The following STK40 variants were observed in gnomAD, a reference collection of about 807,000 sequenced individuals.
STK40 encodes the protein serine/threonine kinase 40.
STK40 carries 13 observed loss-of-function variants against 47.9 expected under a neutral mutation model. That is an observed-to-expected ratio of 0.27 (90% CI 0.18 to 0.43). STK40 has a LOEUF of 0.43. Ranked by LOEUF, STK40 falls within the 20% of genes least tolerant of loss-of-function variation. The pLI is 1.00. For missense variants in STK40, 460 were observed against 595.1 expected (o/e 0.77, Z 2.36); for synonymous variants, 225 against 243.2 (o/e 0.93, Z 0.69).
intron 1 of STK40, among the ~76,000 whole-genome samples, chr1:36,378,474 T>G (rs1038337632): frequency 1.3e-5 from 2 of 152,092 alleles, no homozygotes; most frequent in Non-Finnish European, 2.9e-5. Flanking sequence ...TTTCTTTTTT[T>G]TTTGAGACGG....
At chr1:36,362,271 C>T (rs751359244) in intron 1 of STK40, among the ~76,000 whole-genome samples, 1 of 152,018 alleles carries the variant, frequency 6.6e-6, no homozygotes, top group Non-Finnish European at 1.5e-5. Flanking sequence ...AAGCAGGATC[C>T]GGGGGGGACA....
At chr1:36,345,503 T>C (rs1182518378) in intron 7 of STK40, among the ~76,000 whole-genome samples, 2 of 152,178 alleles carry the variant, frequency 1.3e-5, no homozygotes, top group African/African-American at 2.4e-5. Flanking sequence ...CCAAGCTCTT[T>C]CCAGGCTGTG....
In STK40 at chr1:36,355,637, T is replaced by C. The variant is rs11804598; in HGVS notation, c.343-204A>G. On this transcript the variant is annotated intron_variant, in intron 4 of 10. Coordinates refer to ENST00000373132, the MANE Select transcript of STK40 (RefSeq NM_001282547.2). ...ACTGTGCAGCCTCTTGTGTGCCAAA[T>C]GCCAGGACCAGCAAGAGGCTGAAGC... Among the ~76,000 whole-genome samples, 184 of 152,268 alleles carry C rather than the reference T, an allele frequency of 1.2e-3. 1 individual carries two copies. Among genetic ancestry groups the C allele is most frequent in the African/African-American group, 4.3e-3 (178 of 41,570 alleles).
intron 1 of STK40, among the ~76,000 whole-genome samples, chr1:36,382,911 G>A (rs1413840299): frequency 4.6e-5 from 7 of 152,182 alleles, no homozygotes; most frequent in African/African-American, 1.7e-4. Flanking sequence ...GACCAGCAGG[G>A]ATAGAAGTAG....
At chr1:36,345,256 A>G (rs1193407918) in intron 7 of STK40, among the ~76,000 whole-genome samples, 5 of 152,216 alleles carry the variant, frequency 3.3e-5, no homozygotes, top group African/African-American at 4.8e-5. Flanking sequence ...AGACGCTGCC[A>G]GGCACCCTAG....
At chr1:36,352,848 C>T (rs769019949) in intron 6 of STK40, among the ~76,000 whole-genome samples, 2 of 152,236 alleles carry the variant, frequency 1.3e-5, no homozygotes, top group African/African-American at 4.8e-5. Flanking sequence ...AACCACTGAG[C>T]GTTTCTGTCT....
Position 36,341,892 on chromosome 1 carries a change from A to T in STK40, c.1171T>A (p.Ser391Thr). 6.2e-7 allele frequency: 1 copy of T among 1,613,996 alleles called. No homozygotes were observed. The highest frequency in any genetic ancestry group is 8.5e-7 in the Non-Finnish European group (1 of 1,179,990). Residue 391 changes from serine to threonine, a missense_variant, in exon 11 of 11, where the codon TCC (serine) becomes ACC (threonine). Around this residue, in one of 3 missense-constraint regions of STK40, gnomAD observed 181 missense variants for 218.9 expected, o/e 0.83. Transcript: ENST00000373132. ...QQLLLAEEKSSIHDARSWVPK... is the reference protein window; with the variant it reads ...QQLLLAEEKSTIHDARSWVPK... ...ACCCAGCTCCGGGCGTCATGGATGG[A>T]GCTCTTCTCCTCGGCCAGCAGCAGC...
intron 6 of STK40, among the ~76,000 whole-genome samples, chr1:36,351,430 G>A (rs1646751714): frequency 6.6e-6 from 1 of 152,112 alleles, no homozygotes; most frequent in South Asian, 2.1e-4. Flanking sequence ...TCAACTGAAC[G>A]AGGTGAGAGT....
chr1:36,343,497 T>C (rs1646672840), intron 9 of STK40, 49 bp from the exon 10 acceptor site: 2 of 1,555,602 alleles, frequency 1.3e-6, no homozygotes, highest in East Asian at 2.3e-5. Flanking sequence ...ACCAGGTCCA[T>C]TGATCCCAGA....
chr1:36,361,790 AC>A (rs1646854597), intron 1 of STK40, among the ~76,000 whole-genome samples: 1 of 151,718 alleles, frequency 6.6e-6, no homozygotes, highest in African/African-American at 2.4e-5. Flanking sequence ...CAGCCTAATG[AC>A]CCGAGGTGCC....
At chr1:36,380,571 G>A (rs1057485735) in intron 1 of STK40, among the ~76,000 whole-genome samples, 34 of 152,270 alleles carry the variant, frequency 2.2e-4, no homozygotes, top group South Asian at 1.5e-3. Context: ...GATCTCCAGG[G>A]GGCACTGAGA....
chr1:36,346,009 T>TTTTTTTTTC (rs1436531127), intron 7 of STK40, among the ~76,000 whole-genome samples: 3 of 122,032 alleles, frequency 2.5e-5, no homozygotes, highest in East Asian at 2.1e-4. Flanking sequence ...TTTTTTTTTT[T>TTTTTTTTTC]CCTGAGACAG....
chr1:36,364,046 G>C (rs1034573958), intron 1 of STK40, among the ~76,000 whole-genome samples: 2 of 142,508 alleles, frequency 1.4e-5, no homozygotes, highest in African/African-American at 5.2e-5. Context: ...AGCTACTCGG[G>C]AGGCTGAGGC....
rs933102159 is a variant in STK40 at position 36,339,721 on chromosome 1, C to T, written c.*2034G>A. On this transcript the variant is annotated 3_prime_UTR_variant, in exon 11 of 11. Coordinates refer to ENST00000373132, the MANE Select transcript of STK40 (RefSeq NM_001282547.2). ...ATACAAACTTTTTTGTGACTTTTTCCGTTTCTTTACAATAGGACTTCTCTC... is the reference window on the plus strand; with the variant it reads ...ATACAAACTTTTTTGTGACTTTTTCTGTTTCTTTACAATAGGACTTCTCTC... 2 of 152,640 alleles carry T rather than the reference C, an allele frequency of 1.3e-5. No individual in the cohort carries two copies. The highest frequency in any genetic ancestry group is 6.5e-5 in the Admixed American group (1 of 15,272). The allele number at this position is 152,640 out of a possible 1,614,324, so 9.5% of individuals were successfully genotyped here. A position where few individuals can be genotyped will look rare whatever the true frequency, so the allele number is the denominator to read the frequency against.
At chr1:36,384,661 C>T (rs1647070083) in intron 1 of STK40, among the ~76,000 whole-genome samples, 1 of 152,220 alleles carries the variant, frequency 6.6e-6, no homozygotes, top group South Asian at 2.1e-4. Context: ...CTAGCACTTG[C>T]CTCTAGGCAA....
At chr1:36,342,012 C>T (rs925058237) in intron 10 of STK40, 39 bp from the exon 11 acceptor site, 17 of 1,568,946 alleles carry the variant, frequency 1.1e-5, no homozygotes, top group Non-Finnish European at 1.4e-5. Flanking sequence ...CAAAGATAAA[C>T]CCAGATGAAG....
Position 36,361,274 on chromosome 1 carries a change from A to G in STK40, c.59T>C (p.Leu20Pro). ...AGETSARAKA[L>P]GSGISGNNAK... is the part of the protein sequence containing the mutation. The stretch of plus-strand genomic sequence containing the variant: ...ATTATTTCCAGAAATCCCACTTCCT[A>G]GAGCCTTGGCCCTGGCCGACGTTTC... The change falls in exon 2 of 11, where the codon CTA becomes CCA. Residue 20 changes from leucine to proline, a missense_variant. Leu to Pro is a moderately conservative substitution (Grantham distance 98, BLOSUM62 -3). This residue lies in a region of STK40 where 277 missense variants were observed against 358.7 expected (regional missense o/e 0.77). Coordinates refer to ENST00000373132, the MANE Select transcript of STK40 (RefSeq NM_001282547.2). 1 of 1,614,220 alleles carries G rather than the reference A, an allele frequency of 6.2e-7. No homozygotes were observed. The highest frequency in any genetic ancestry group is 8.5e-7 in the Non-Finnish European group (1 of 1,180,040).
intron 1 of STK40, among the ~76,000 whole-genome samples, chr1:36,369,727 CTG>C (rs1467903165): frequency 6.6e-6 from 1 of 152,224 alleles, no homozygotes; most frequent in African/African-American, 2.4e-5. Flanking sequence ...ATTGGTTTAT[CTG>C]TCTGACTCCC....
At chr1:36,356,364 ACTGT>A (rs1184791518) in intron 4 of STK40, among the ~76,000 whole-genome samples, 4 of 150,656 alleles carry the variant, frequency 2.7e-5, no homozygotes, top group East Asian at 1.9e-4. Flanking sequence ...GGGTAGACTG[ACTGT>A]CCCCTCTGGG....
Sources: gnomAD v4.1 joint callset for allele counts (sites outside exome capture counted in the v4.1 genomes callset) on GRCh38, gnomAD v4.1.1 for gene constraint, gnomAD v4.1.1 regional missense constraint, MANE v1.5 for transcripts, NCBI Gene and HGNC (gene_info 2026-07-23, HGNC 2026-07-21) for gene names.